Variants in PHF14 observed in about 807,000 individuals in gnomAD.
The protein encoded by PHF14 is PHD finger protein 14.
PHF14 carries 55 observed loss-of-function variants against 117.9 expected under a neutral mutation model. The observed-to-expected ratio is 0.47, with a 90% CI of 0.38 to 0.58. PHF14 has a LOEUF of 0.58. Ranked by LOEUF, PHF14 falls within the 20% of genes least tolerant of loss-of-function variation. The pLI, the probability that PHF14 is intolerant of heterozygous loss-of-function variation, is 0.00. For missense variants in PHF14, 978 were observed against 1,122.2 expected (o/e 0.87, Z 1.84); for synonymous variants, 409 against 368.6 (o/e 1.11, Z -1.26).
At chr7:11,100,531 G>T (rs1020433585) in intron 16 of PHF14, among the ~76,000 whole-genome samples, 7 of 151,878 alleles carry the variant, frequency 4.6e-5, no homozygotes, top group African/African-American at 1.7e-4. Flanking sequence ...TTATGTATTA[G>T]AATATAATTT....
rs370366640 is a variant in PHF14 at position 10,974,837 on chromosome 7, G to A, written c.4G>A (p.Asp2Asn). The change falls in exon 2 of 18, where the codon GAT (aspartate) becomes AAT (asparagine). Residue 2 changes from aspartate (D) to asparagine (N), a missense_variant and splice_region_variant. By Grantham distance (23) the Asp-to-Asn change is conservative (BLOSUM62 1). Around this residue, in one of 7 missense-constraint regions of PHF14, gnomAD observed 414 missense variants for 376.4 expected, o/e 1.10. Coordinates refer to ENST00000634607, the MANE Select transcript of PHF14 (RefSeq NM_001007157.2). M[D>N]RSSKRRQVKP... is the part of the protein sequence containing the mutation. ...ATGTAATTTTTTTCTCTTCACAGTG[G>A]ATCGCAGCTCCAAGAGGAGGCAGGT... is the stretch of plus-strand genomic sequence containing the variant. 2 of 1,542,464 alleles carry A rather than the reference G, an allele frequency of 1.3e-6. No homozygotes were observed. Among genetic ancestry groups the A allele is most frequent in the African/African-American group, 1.4e-5 (1 of 73,194 alleles).
intron 16 of PHF14, chr7:11,107,398 A>T (rs1787306725): frequency 2.4e-6 from 2 of 843,158 alleles, no homozygotes; most frequent in Admixed American, 1.3e-4. Context: ...AAGACCATAT[A>T]TTAAGCTACT....
intron 16 of PHF14, among the ~76,000 whole-genome samples, chr7:11,067,417 CA>C (rs1016381546): frequency 6.6e-6 from 1 of 151,996 alleles, no homozygotes; most frequent in South Asian, 2.1e-4. Context: ...TTTAATTCCT[CA>C]AAAAATTAAA....
At chr7:11,100,476 G>T (rs1408190608) in intron 16 of PHF14, among the ~76,000 whole-genome samples, 2 of 151,994 alleles carry the variant, frequency 1.3e-5, no homozygotes, top group East Asian at 3.9e-4. Context: ...GTGTGAAATA[G>T]AAATTATTCC....
intron 17 of PHF14, among the ~76,000 whole-genome samples, chr7:11,162,916 A>G (rs964692523): frequency 2.0e-5 from 3 of 152,054 alleles, no homozygotes; most frequent in Non-Finnish European, 4.4e-5. Context: ...AACTTACTCT[A>G]CTCAATCTGC....
chr7:11,066,231 AT>A (rs901693203), intron 16 of PHF14, among the ~76,000 whole-genome samples: 3 of 152,154 alleles, frequency 2.0e-5, no homozygotes, highest in African/African-American at 7.2e-5. Context: ...TATGTATTAC[AT>A]TTTAATTTCA....
rs1022749104 is a variant in PHF14 at position 11,005,175 on chromosome 7, C to G, written c.1046-8572C>G. On this transcript the variant is annotated intron_variant, in intron 4 of 17. Coordinates refer to ENST00000634607, the MANE Select transcript of PHF14 (RefSeq NM_001007157.2). ...TGAGACTCTGTTAATATGCCATTCT[C>G]TAGCAACTTTCCACTTAATAGTTTT... 2.6e-5 allele frequency among the ~76,000 whole-genome samples: 4 copies of G among 152,106 alleles called. No individual in the cohort carries two copies. The East Asian group carries it at 5.8e-4, about 22-fold the overall frequency.
At chr7:11,033,300 T>C (rs1784187308) in intron 7 of PHF14, among the ~76,000 whole-genome samples, 1 of 151,862 alleles carries the variant, frequency 6.6e-6, no homozygotes, top group African/African-American at 2.4e-5. Flanking sequence ...CTGAGGGGAG[T>C]TTGGTTCCAG....
At chr7:11,162,021 T>C (rs1027797651) in intron 17 of PHF14, among the ~76,000 whole-genome samples, 1 of 149,636 alleles carries the variant, frequency 6.7e-6, no homozygotes, top group East Asian at 2.0e-4. Flanking sequence ...GAAAAGGCTG[T>C]TTACAGTATT....
chr7:11,058,632 G>A (rs1311926628), intron 14 of PHF14, among the ~76,000 whole-genome samples: 1 of 152,038 alleles, frequency 6.6e-6, no homozygotes, highest in African/African-American at 2.4e-5. Flanking sequence ...CTCTTTATTG[G>A]GTATAATTCT....
chr7:11,117,567 C>A, intron 17 of PHF14, among the ~76,000 whole-genome samples: 1 of 79,612 alleles, frequency 1.3e-5, no homozygotes. Flanking sequence ...TATAACTATG[C>A]CCAAACGATA....
chr7:11,069,939 T>C (rs770340979), intron 16 of PHF14, among the ~76,000 whole-genome samples: 3 of 151,990 alleles, frequency 2.0e-5, no homozygotes, highest in Non-Finnish European at 4.4e-5. Context: ...GTTCCCTTAT[T>C]CTTTGTTTTT....
intron 17 of PHF14, among the ~76,000 whole-genome samples, chr7:11,125,084 A>G (rs1468703034): frequency 6.6e-6 from 1 of 152,100 alleles, no homozygotes; most frequent in Non-Finnish European, 1.5e-5. Flanking sequence ...TAGGGGAGGT[A>G]CCATTTGACA....
chr7:11,031,358 A>G (rs1784116941), intron 7 of PHF14, among the ~76,000 whole-genome samples: 1 of 152,000 alleles, frequency 6.6e-6, no homozygotes, highest in Non-Finnish European at 1.5e-5. Flanking sequence ...CTTTGTGAAT[A>G]TTCCAGATTT....
chr7:11,109,819 A>G (rs981989152), intron 16 of PHF14: 2 of 151,882 alleles, frequency 1.3e-5, no homozygotes, highest in Admixed American at 1.3e-4. Context: ...TATTGGTCCT[A>G]TTTGATTTTA....
At chr7:11,149,352 A>G (rs1436816155) in intron 17 of PHF14, among the ~76,000 whole-genome samples, 1 of 152,174 alleles carries the variant, frequency 6.6e-6, no homozygotes, top group Non-Finnish European at 1.5e-5. Flanking sequence ...GGAGACATAA[A>G]TTCAGATTCT....
At chr7:11,019,629 C>T (rs953097135) in intron 5 of PHF14, among the ~76,000 whole-genome samples, 8 of 152,188 alleles carry the variant, frequency 5.3e-5, no homozygotes, top group African/African-American at 1.9e-4. Context: ...TATCTTCTCT[C>T]TTTTTTCCTC....
intron 16 of PHF14, among the ~76,000 whole-genome samples, chr7:11,065,716 A>G (rs184612855): frequency 3.9e-5 from 6 of 152,314 alleles, no homozygotes; most frequent in African/African-American, 1.4e-4. Flanking sequence ...ATGAAAAGGA[A>G]GTGGGCCTGT....
chr7:10,996,620 T>C lies in PHF14; in HGVS notation c.1045+5773T>C, dbSNP rs1782657437. Among the ~76,000 whole-genome samples, 4 of 152,034 alleles carry C rather than the reference T, an allele frequency of 2.6e-5. No homozygotes were observed. In the South Asian group the frequency reaches 8.3e-4, roughly 32 times the overall value. ...AAAAAAAAAACTAATTGATAAAATG[T>C]TTATATCACATGATTCATTAAATAA... On this transcript the variant is annotated intron_variant, in intron 4 of 17. Transcript: ENST00000634607.
Sources: allele counts gnomAD v4.1 joint callset (sites outside exome capture counted in the v4.1 genomes callset), GRCh38; gene constraint gnomAD v4.1.1; regional missense constraint gnomAD v4.1.1; transcripts MANE v1.5; gene names NCBI Gene and HGNC (gene_info 2026-07-23, HGNC 2026-07-21).